DCC: variants seen among roughly 807,000 people sequenced by gnomAD.
The protein encoded by DCC is DCC netrin 1 receptor.
A neutral mutation model predicts 172.5 loss-of-function variants in DCC; 58 were observed. The observed-to-expected ratio is 0.34, with a 90% CI of 0.27 to 0.42. The LOEUF is 0.42. DCC is among the 10% of genes least tolerant of loss of function. DCC has a pLI of 1.00. For synonymous variants in DCC, 709 were observed against 644.5 expected (o/e 1.10, Z -1.52); for missense variants, 1,740 against 1,791.0 (o/e 0.97, Z 0.51).
intron 1 of DCC, among the ~76,000 whole-genome samples, chr18:52,466,156 C>G (rs986085301): frequency 3.9e-5 from 6 of 152,122 alleles, no homozygotes; most frequent in Admixed American, 3.9e-4. Flanking sequence ...TGTTGCAAGT[C>G]TCTCAGCTCC....
chr18:53,058,736 T>C (rs1025219754), intron 5 of DCC, among the ~76,000 whole-genome samples: 1 of 152,144 alleles, frequency 6.6e-6, no homozygotes, highest in Non-Finnish European at 1.5e-5. Flanking sequence ...TAGAGCCACT[T>C]CCACTGAGAA....
intron 7 of DCC, among the ~76,000 whole-genome samples, chr18:53,150,754 G>T (rs960787358): frequency 2.0e-5 from 3 of 152,196 alleles, no homozygotes; most frequent in Admixed American, 2.0e-4. Flanking sequence ...AAGTAGCAGA[G>T]GTGAAAGCAT....
intron 1 of DCC, among the ~76,000 whole-genome samples, chr18:52,370,798 C>T (rs1038147701): frequency 3.9e-5 from 6 of 152,228 alleles, no homozygotes; most frequent in Middle Eastern, 3.4e-3. Context: ...AAATCACCAA[C>T]GCTTGAGAGA....
chr18:53,463,813 G>A (rs186082861), intron 24 of DCC, among the ~76,000 whole-genome samples: 105 of 152,098 alleles, frequency 6.9e-4, no homozygotes, highest in East Asian at 2.3e-3. Flanking sequence ...CTTGTTTTGC[G>A]CCCATGAAAT....
intron 1 of DCC, among the ~76,000 whole-genome samples, chr18:52,346,851 C>T (rs1411740110): frequency 6.6e-6 from 1 of 152,132 alleles, no homozygotes; most frequent in Non-Finnish European, 1.5e-5. Flanking sequence ...ACTTCTACTT[C>T]GTGATATACT....
intron 14 of DCC, among the ~76,000 whole-genome samples, chr18:53,324,546 T>C (rs1164648197): frequency 6.6e-6 from 1 of 152,078 alleles, no homozygotes; most frequent in African/African-American, 2.4e-5. Flanking sequence ...AGATGAAACA[T>C]GAACCCAGAC....
At chr18:53,124,983 G>T (rs1234327224) in intron 7 of DCC, among the ~76,000 whole-genome samples, 1 of 150,544 alleles carries the variant, frequency 6.6e-6, no homozygotes, top group Non-Finnish European at 1.5e-5. Flanking sequence ...AAAAAAAAAT[G>T]ATGCTATCAT....
At chr18:52,894,709 T>C (rs1445152514) in intron 2 of DCC, among the ~76,000 whole-genome samples, 1 of 151,788 alleles carries the variant, frequency 6.6e-6, no homozygotes, top group Non-Finnish European at 1.5e-5. Context: ...AAGTTCCAGT[T>C]CAAGTCTCAG....
chr18:53,071,923 G>A (rs1270457356), intron 7 of DCC, among the ~76,000 whole-genome samples: 1 of 152,122 alleles, frequency 6.6e-6, no homozygotes, highest in East Asian at 1.9e-4. Flanking sequence ...GAGGTCAGGA[G>A]TTTGAGACCA....
At chr18:53,281,202 C>T (rs1026395494) in intron 12 of DCC, among the ~76,000 whole-genome samples, 1 of 152,054 alleles carries the variant, frequency 6.6e-6, no homozygotes, top group East Asian at 1.9e-4. Flanking sequence ...AGCTACAAAA[C>T]AGTATTATTT....
intron 1 of DCC, among the ~76,000 whole-genome samples, chr18:52,405,090 C>G (rs1014619491): frequency 4.6e-5 from 7 of 151,374 alleles, no homozygotes; most frequent in African/African-American, 1.7e-4. Context: ...GGTTCCAAGT[C>G]TTTGCTATTG....
At chr18:52,824,214 C>G (rs1598840865) in intron 2 of DCC, among the ~76,000 whole-genome samples, 1 of 152,050 alleles carries the variant, frequency 6.6e-6, no homozygotes, top group South Asian at 2.1e-4. Flanking sequence ...TTTTTTTCTT[C>G]AACTTAGTTC....
chr18:52,953,888 G>T (rs1227762729), intron 5 of DCC, among the ~76,000 whole-genome samples: 1 of 152,124 alleles, frequency 6.6e-6, no homozygotes, highest in Non-Finnish European at 1.5e-5. Flanking sequence ...CTCCCATACT[G>T]GGTTTGCAAA....
At chr18:52,826,164 G>A (rs1354369181) in intron 2 of DCC, among the ~76,000 whole-genome samples, 1 of 152,126 alleles carries the variant, frequency 6.6e-6, no homozygotes, top group African/African-American at 2.4e-5. Flanking sequence ...GTTTGTAGAT[G>A]ATTTCTACTC....
chr18:53,293,627 C>G (rs2057031717), intron 12 of DCC, among the ~76,000 whole-genome samples: 1 of 152,128 alleles, frequency 6.6e-6, no homozygotes, highest in South Asian at 2.1e-4. Flanking sequence ...TCCTCGCACC[C>G]TATACCTTCA....
intron 5 of DCC, among the ~76,000 whole-genome samples, chr18:52,928,290 A>G (rs578195833): frequency 2.2e-3 from 332 of 152,126 alleles, no homozygotes; most frequent in Non-Finnish European, 4.2e-3. Flanking sequence ...GCCTACTGAG[A>G]GTGGAGGGTG....
chr18:52,885,728 G>T (rs991634165), intron 2 of DCC, among the ~76,000 whole-genome samples: 1 of 152,018 alleles, frequency 6.6e-6, no homozygotes, highest in African/African-American at 2.4e-5. Context: ...CAAACAGAAG[G>T]AGTCTTTCAT....
intron 2 of DCC, among the ~76,000 whole-genome samples, chr18:52,822,741 T>G (rs1487471796): frequency 1.3e-5 from 2 of 152,194 alleles, no homozygotes; most frequent in African/African-American, 4.8e-5. Flanking sequence ...GGTTGTGAAA[T>G]TAAGGTTGTC....
intron 2 of DCC, among the ~76,000 whole-genome samples, chr18:52,808,929 A>C (rs1285862113): frequency 6.6e-6 from 1 of 152,100 alleles, no homozygotes; most frequent in Non-Finnish European, 1.5e-5. Flanking sequence ...TTAAACTGTA[A>C]ATTTTTGGCA....
Sources: gnomAD v4.1 joint callset for allele counts (sites outside exome capture counted in the v4.1 genomes callset) on GRCh38, gnomAD v4.1.1 for gene constraint, MANE v1.5 for transcripts, NCBI Gene and HGNC (gene_info 2026-07-23, HGNC 2026-07-21) for gene names.